SGMS1: variants seen among roughly 807,000 people sequenced by gnomAD.
The protein encoded by SGMS1 is phosphatidylcholine:ceramide cholinephosphotransferase 1.
A neutral mutation model predicts 46.2 loss-of-function variants in SGMS1; 13 were observed. The ratio of observed to expected loss-of-function variants is 0.28; its 90% CI spans 0.18 to 0.45. The LOEUF (loss-of-function observed/expected upper bound fraction) is 0.45, where lower values mean the gene tolerates loss of function less well. SGMS1 is among the 20% of genes least tolerant of loss of function. The probability of loss-of-function intolerance (pLI) is 1.00; values close to 1 mark genes in which losing one functional copy is unlikely to be tolerated. For synonymous variants in SGMS1, 203 were observed against 187.8 expected (o/e 1.08, Z -0.66); for missense variants, 324 against 519.9 (o/e 0.62, Z 3.66).
At chr10:50,569,703 T>G (rs1184754817) in intron 2 of SGMS1, among the ~76,000 whole-genome samples, 1 of 152,114 alleles carries the variant, frequency 6.6e-6, no homozygotes, top group Non-Finnish European at 1.5e-5. Flanking sequence ...TTTTAAAAAT[T>G]TTTAAAGAAA....
chr10:50,387,812 G>C (rs1300583189), intron 6 of SGMS1, among the ~76,000 whole-genome samples: 1 of 152,202 alleles, frequency 6.6e-6, no homozygotes, highest in Admixed American at 6.5e-5. Context: ...CATGGTGGAA[G>C]ATTTATAGAG....
intron 3 of SGMS1, among the ~76,000 whole-genome samples, chr10:50,484,261 A>G (rs1837501395): frequency 6.6e-6 from 1 of 152,194 alleles, no homozygotes; most frequent in Admixed American, 6.5e-5. Flanking sequence ...AGAATACCAT[A>G]AACACCTCTA....
At chr10:50,364,617 GT>G (rs1366546772) in intron 6 of SGMS1, among the ~76,000 whole-genome samples, 3 of 152,160 alleles carry the variant, frequency 2.0e-5, no homozygotes, top group Non-Finnish European at 2.9e-5. Flanking sequence ...TCACAACCTT[GT>G]AATGGGCAAT....
chr10:50,502,111 GCCCAGGCCC>G (rs962984550), intron 3 of SGMS1, among the ~76,000 whole-genome samples: 2 of 152,114 alleles, frequency 1.3e-5, no homozygotes, highest in Admixed American at 6.6e-5. Flanking sequence ...GGAACTGAGT[GCCCAGGCCC>G]CTGGCTGTTC....
At chr10:50,365,895 G>A (rs761405999) in intron 6 of SGMS1, among the ~76,000 whole-genome samples, 14 of 152,166 alleles carry the variant, frequency 9.2e-5, no homozygotes, top group Non-Finnish European at 2.1e-4. Flanking sequence ...ATAAACATGT[G>A]TGCATGTGTC....
chr10:50,568,138 A>G (rs1838305288), intron 2 of SGMS1, among the ~76,000 whole-genome samples: 1 of 152,228 alleles, frequency 6.6e-6, no homozygotes, highest in African/African-American at 2.4e-5. Flanking sequence ...TCTTATAAAC[A>G]AAAAGCATCT....
chr10:50,493,515 C>T (rs1380655394), intron 3 of SGMS1, among the ~76,000 whole-genome samples: 2 of 152,040 alleles, frequency 1.3e-5, no homozygotes, highest in South Asian at 2.1e-4. Flanking sequence ...GCAAAAGAAA[C>T]TATCAATAAA....
chr10:50,498,772 G>A (rs536581531), intron 3 of SGMS1, among the ~76,000 whole-genome samples: 4 of 152,142 alleles, frequency 2.6e-5, no homozygotes, highest in Non-Finnish European at 5.9e-5. Flanking sequence ...GCTATAAACC[G>A]GGGTGTACAA....
chr10:50,560,367 TTA>T (rs1347541397), intron 2 of SGMS1, among the ~76,000 whole-genome samples: 7 of 138,248 alleles, frequency 5.1e-5, no homozygotes, highest in African/African-American at 1.6e-4. Context: ...ATAATACATA[TTA>T]TATATTATAT....
intron 2 of SGMS1, among the ~76,000 whole-genome samples, chr10:50,536,055 C>T (rs1837998448): frequency 6.6e-6 from 1 of 152,162 alleles, no homozygotes; most frequent in Admixed American, 6.6e-5. Flanking sequence ...TCATTTCCAG[C>T]TGGGCACAGT....
intron 6 of SGMS1, among the ~76,000 whole-genome samples, chr10:50,383,020 T>C (rs888341460): frequency 1.3e-5 from 2 of 152,116 alleles, no homozygotes. Flanking sequence ...AACTCTACAA[T>C]AGAGTCTTAA....
chr10:50,430,912 C>T (rs930552682), intron 6 of SGMS1, among the ~76,000 whole-genome samples: 1 of 151,968 alleles, frequency 6.6e-6, no homozygotes, highest in East Asian at 1.9e-4. Flanking sequence ...TATCAACAAA[C>T]ATGAGTTTGT....
chr10:50,378,268 G>A (rs180907566), intron 6 of SGMS1, among the ~76,000 whole-genome samples: 4 of 152,012 alleles, frequency 2.6e-5, no homozygotes, highest in Admixed American at 6.6e-5. Flanking sequence ...CCTTCTTTAC[G>A]GCAGAGCAAC....
chr10:50,490,889 C>T (rs1837561593), intron 3 of SGMS1, among the ~76,000 whole-genome samples: 9 of 152,148 alleles, frequency 5.9e-5, no homozygotes, highest in Admixed American at 5.9e-4. Flanking sequence ...TGTTATGGAA[C>T]CTAAATACAC....
chr10:50,619,948 GCTGT>G (rs1378137108), intron 1 of SGMS1, among the ~76,000 whole-genome samples: 14 of 152,084 alleles, frequency 9.2e-5, no homozygotes, highest in African/African-American at 2.9e-4. Flanking sequence ...CTTTCTCTTC[GCTGT>G]CTGTGTGAGT....
intron 6 of SGMS1, among the ~76,000 whole-genome samples, chr10:50,422,286 T>C (rs765483088): frequency 3.4e-4 from 51 of 152,144 alleles, no homozygotes; most frequent in Non-Finnish European, 2.5e-4. Flanking sequence ...AATATAATGA[T>C]GCTTAAGTTA....
At chr10:50,437,551 GACTA>G (rs979943159) in intron 5 of SGMS1, among the ~76,000 whole-genome samples, 6 of 152,130 alleles carry the variant, frequency 3.9e-5, no homozygotes, top group African/African-American at 9.7e-5. Flanking sequence ...AATAACTAAA[GACTA>G]ACTAAGACAC....
At chr10:50,443,626 A>G (rs1200925851) in intron 5 of SGMS1, among the ~76,000 whole-genome samples, 1 of 152,118 alleles carries the variant, frequency 6.6e-6, no homozygotes, top group Non-Finnish European at 1.5e-5. Flanking sequence ...CCCACACTAT[A>G]AGAAATGCTG....
At chr10:50,497,983 A>T (rs1307092155) in intron 3 of SGMS1, among the ~76,000 whole-genome samples, 1 of 152,218 alleles carries the variant, frequency 6.6e-6, no homozygotes, top group Non-Finnish European at 1.5e-5. Context: ...TCAGGCTGAG[A>T]AAGCTGCTGC....
Sources: gnomAD v4.1 joint callset for allele counts (sites outside exome capture counted in the v4.1 genomes callset) on GRCh38, gnomAD v4.1.1 for gene constraint, MANE v1.5 for transcripts, NCBI Gene and HGNC (gene_info 2026-07-23, HGNC 2026-07-21) for gene names.